Variants in TANC2 observed in about 807,000 individuals in gnomAD.
The protein encoded by TANC2 is tetratricopeptide repeat, ankyrin repeat and coiled-coil containing 2, also known as protein TANC2.
Under a neutral mutation model 210.5 loss-of-function variants are expected in TANC2, and 26 were observed. The observed-to-expected ratio is 0.12, with a 90% CI of 0.09 to 0.17. The LOEUF is 0.17. Ranked by LOEUF, TANC2 falls within the 10% of genes least tolerant of loss-of-function variation. TANC2 has a pLI of 1.00. For missense variants in TANC2, 2,129 were observed against 2,608.9 expected (o/e 0.82, Z 4.01); for synonymous variants, 931 against 967.1 (o/e 0.96, Z 0.69).
At chr17:63,026,639 A>G (rs1228704960) in intron 2 of TANC2, among the ~76,000 whole-genome samples, 1 of 152,152 alleles carries the variant, frequency 6.6e-6, no homozygotes, top group Non-Finnish European at 1.5e-5. Flanking sequence ...CTCATATTGG[A>G]TATTCAGTGA....
chr17:63,316,951 TTAATA>T (rs1254323585), intron 10 of TANC2, among the ~76,000 whole-genome samples: 1 of 54,246 alleles, frequency 1.8e-5, no homozygotes, highest in Non-Finnish European at 3.1e-5. Flanking sequence ...ATATAAGTTA[TTAATA>T]TAAGTTATTA....
chr17:63,090,320 A>T (rs1173570755), intron 3 of TANC2, among the ~76,000 whole-genome samples: 1 of 150,892 alleles, frequency 6.6e-6, no homozygotes, highest in Non-Finnish European at 1.5e-5. Flanking sequence ...CCATTAACTC[A>T]TCATTTACAT....
chr17:63,357,701 A>G (rs1267799472), intron 14 of TANC2, among the ~76,000 whole-genome samples: 1 of 152,240 alleles, frequency 6.6e-6, no homozygotes. Context: ...GGTCAATGAG[A>G]TGGAAATTCA....
At chr17:63,342,701 G>T (rs541314061) in intron 12 of TANC2, among the ~76,000 whole-genome samples, 1 of 152,186 alleles carries the variant, frequency 6.6e-6, no homozygotes, top group South Asian at 2.1e-4. Flanking sequence ...GCGTGAACCC[G>T]GGAGGCGGAG....
chr17:63,089,564 T>C (rs981716285), intron 3 of TANC2, among the ~76,000 whole-genome samples: 4 of 152,192 alleles, frequency 2.6e-5, no homozygotes, highest in Admixed American at 6.5e-5. Context: ...AATTTTCTTC[T>C]GTTGCTGATT....
Position 63,421,945 on chromosome 17 carries a change from C to A in TANC2, c.6215C>A (p.Ser2072Tyr). Residue 2072 changes from serine to tyrosine, a missense_variant, in exon 28 of 28, where the codon TCT (serine) becomes TAT (tyrosine). By Grantham distance (144) the Ser-to-Tyr change is moderately radical (BLOSUM62 -2). Transcript: ENST00000689528. The surrounding 1 kb of genome is among the most constrained non-coding windows in gnomAD (Gnocchi z 6.9). ...AAACCAAAGAGACCGTTCGTGGAGT[C>A]TAATGTTTAAAAGACGTTTTGTTGG... 2 of 1,603,740 alleles carry A rather than the reference C, an allele frequency of 1.2e-6. No homozygotes were observed. The highest frequency in any genetic ancestry group is 1.1e-5 in the South Asian group (1 of 89,446).
intron 9 of TANC2, 31 bp from the exon 10 acceptor site, chr17:63,314,357 C>T: frequency 6.2e-7 from 1 of 1,606,436 alleles, no homozygotes; most frequent in Non-Finnish European, 8.5e-7. Context: ...GACAGTTTGA[C>T]CTAAGTTCTG....
intron 7 of TANC2, 96 bp downstream of exon 7, chr17:63,201,053 T>G (rs2041515993): frequency 9.0e-7 from 1 of 1,114,330 alleles, no homozygotes; most frequent in Non-Finnish European, 1.3e-6. Flanking sequence ...GCTTTTGAAT[T>G]GTTGAGATGT....
intron 14 of TANC2, 31 bp from the exon 15 acceptor site, chr17:63,379,687 T>C: frequency 6.6e-7 from 1 of 1,505,408 alleles, no homozygotes. Context: ...AATAAATTAA[T>C]TAATTAAAAT....
At chr17:63,233,213 C>T (rs890943893) in intron 7 of TANC2, among the ~76,000 whole-genome samples, 1 of 152,112 alleles carries the variant, frequency 6.6e-6, no homozygotes, top group African/African-American at 2.4e-5. Flanking sequence ...ATGGCCACCC[C>T]TCCCCCTGGG....
At chr17:63,078,256 T>C (rs920657163) in intron 3 of TANC2, among the ~76,000 whole-genome samples, 2 of 152,188 alleles carry the variant, frequency 1.3e-5, no homozygotes, top group African/African-American at 2.4e-5. Flanking sequence ...CTGCATAATC[T>C]GTAGTGATGT....
intron 7 of TANC2, among the ~76,000 whole-genome samples, chr17:63,234,902 T>C (rs1415124849): frequency 6.6e-6 from 1 of 152,168 alleles, no homozygotes; most frequent in Non-Finnish European, 1.5e-5. Flanking sequence ...GCTTAGAGTG[T>C]TCTGTTGATA....
At chr17:63,361,964 A>G (rs984947319) in intron 14 of TANC2, among the ~76,000 whole-genome samples, 32 of 152,130 alleles carry the variant, frequency 2.1e-4, no homozygotes, top group African/African-American at 7.7e-4. Context: ...TTGTCCCGAC[A>G]AGTGTACAAC....
rs540914140 is a variant in TANC2 at position 63,395,691 on chromosome 17, G to C, written c.3052-52G>C. The C allele has an allele frequency of 3.2e-6, 5 of 1,548,420 alleles. No individual in the cohort carries two copies. In the Middle Eastern group the frequency reaches 6.3e-4, roughly 195 times the overall value. Reference sequence around the variant, plus strand: ...GCAGTGGCGGATGTGACTAGATTGCGAGCTCAGCCACAAGTCTGTGTTCAC... The same window carrying C: ...GCAGTGGCGGATGTGACTAGATTGCCAGCTCAGCCACAAGTCTGTGTTCAC... On this transcript the variant is annotated intron_variant, in intron 17 of 27. Transcript: ENST00000689528.
intron 2 of TANC2, among the ~76,000 whole-genome samples, chr17:63,015,477 C>T (rs115721351): frequency 0.029 from 4,467 of 152,110 alleles, 81 homozygotes; most frequent in South Asian, 0.037. Context: ...CGCTTCCCAC[C>T]CCATGACAGG....
In TANC2 at chr17:62,966,318, G is replaced by A. The variant is rs1226161676; in HGVS notation, c.-455G>A. On this transcript the variant is annotated 5_prime_UTR_variant, in exon 1 of 28. Coordinates refer to ENST00000689528, the Ensembl canonical transcript of TANC2. The surrounding 1 kb of genome is among the most constrained non-coding windows in gnomAD (Gnocchi z 5.1). The stretch of plus-strand genomic sequence containing the variant: ...GCCCGCTGGCACAGCCGCCTCGCGC[G>A]AGCCGCCCGCCCGGCGGGGGAAGCT... Among the ~76,000 whole-genome samples, 9 of 146,510 alleles carry A rather than the reference G, an allele frequency of 6.1e-5. No individual in the cohort carries two copies. The South Asian group carries it at 1.9e-3, about 30-fold the overall frequency.
chr17:63,271,401 A>G (rs1010720295), intron 9 of TANC2, among the ~76,000 whole-genome samples: 13 of 146,426 alleles, frequency 8.9e-5, no homozygotes, highest in African/African-American at 3.0e-4. Context: ...TTTGATTTGC[A>G]TTTCTCTAAA....
intron 5 of TANC2, among the ~76,000 whole-genome samples, chr17:63,173,795 A>G (rs528270013): frequency 2.0e-5 from 3 of 147,970 alleles, no homozygotes; most frequent in Admixed American, 1.3e-4. Context: ...ATGCTTGAAC[A>G]TACATACACA....
chr17:63,122,445 A>G (rs2038521062), intron 4 of TANC2, among the ~76,000 whole-genome samples: 2 of 152,226 alleles, frequency 1.3e-5, no homozygotes, highest in South Asian at 4.1e-4. Context: ...TCCAGAAGAT[A>G]TGGAAACATG....
Sources: allele counts gnomAD v4.1 joint callset (sites outside exome capture counted in the v4.1 genomes callset), GRCh38; gene constraint gnomAD v4.1.1; non-coding constraint Gnocchi (gnomAD v3.1); transcripts MANE v1.5; gene names NCBI Gene and HGNC (gene_info 2026-07-23, HGNC 2026-07-21).